Variants in DCDC1 observed in about 807,000 individuals in gnomAD.
The protein encoded by DCDC1 is doublecortin domain-containing protein 1.
Under a neutral mutation model 178.3 loss-of-function variants are expected in DCDC1, and 200 were observed. That is an observed-to-expected ratio of 1.12 (90% CI 1.00 to 1.26). The LOEUF is 1.26. Among genes scored for constraint, DCDC1 ranks in the 50% most tolerant of loss-of-function variants. The pLI is 0.00. For missense variants in DCDC1, 1,983 were observed against 1,749.2 expected (o/e 1.13, Z -2.38); for synonymous variants, 690 against 604.8 (o/e 1.14, Z -2.07).
intron 21 of DCDC1, 47 bp downstream of exon 21, chr11:30,952,398 C>T (rs1427472722): frequency 2.0e-6 from 3 of 1,478,604 alleles, no homozygotes; most frequent in Non-Finnish European, 2.7e-6. Flanking sequence ...CACAACTGGG[C>T]CTTAAAGTAA....
At chr11:31,272,153 C>T (rs374793253) in intron 7 of DCDC1, among the ~76,000 whole-genome samples, 152 of 113,436 alleles carry the variant, frequency 1.3e-3, no homozygotes, top group Non-Finnish European at 2.3e-3. Flanking sequence ...CAGGGTGAGA[C>T]TCCATCTAAA....
chr11:31,220,019 A>T (rs988642352), intron 9 of DCDC1, among the ~76,000 whole-genome samples: 1 of 152,110 alleles, frequency 6.6e-6, no homozygotes. Flanking sequence ...TGGCCAGAAA[A>T]TTTTTTAAAA....
chr11:31,064,076 T>G (rs1956117698), intron 20 of DCDC1, among the ~76,000 whole-genome samples: 1 of 152,146 alleles, frequency 6.6e-6, no homozygotes, highest in Admixed American at 6.5e-5. Context: ...CACTTAACCT[T>G]GAGTCCAAAT....
chr11:31,209,773 G>T (rs1972280557), intron 9 of DCDC1, among the ~76,000 whole-genome samples: 1 of 152,164 alleles, frequency 6.6e-6, no homozygotes, highest in South Asian at 2.1e-4. Flanking sequence ...AGGAATGCTG[G>T]AAAGGTATGT....
intron 38 of DCDC1, among the ~76,000 whole-genome samples, chr11:30,866,449 A>G (rs908251721): frequency 1.3e-5 from 2 of 152,094 alleles, no homozygotes; most frequent in African/African-American, 4.8e-5. Context: ...TTATTTTATA[A>G]GGGCACTAAT....
At chr11:31,125,140 A>G (rs1404974472) in intron 11 of DCDC1, among the ~76,000 whole-genome samples, 5 of 152,146 alleles carry the variant, frequency 3.3e-5, no homozygotes, top group Admixed American at 2.6e-4. Flanking sequence ...TTCTTTAAAA[A>G]AAGACGTACA....
chr11:31,304,291 T>C (rs1223621121), intron 6 of DCDC1, among the ~76,000 whole-genome samples: 2 of 152,158 alleles, frequency 1.3e-5, no homozygotes, highest in African/African-American at 4.8e-5. Flanking sequence ...TTAATAACAA[T>C]AATCAAGGAT....
rs996650711 is a variant in DCDC1 at position 30,913,419 on chromosome 11, C to CA, written c.3654-2000dup. Reference sequence around the variant, plus strand: ...GACTCTGTCTCAAAAAAAAAACAAACAAAAAAAACTATTTTGTTCAAGTCT... The same window carrying CA: ...GACTCTGTCTCAAAAAAAAAACAAACAAAAAAAAACTATTTTGTTCAAGTCT... On this transcript the variant is annotated intron_variant, in intron 27 of 38. Transcript: ENST00000684477. Among the ~76,000 whole-genome samples, 5 of 151,578 alleles carry CA rather than the reference C, an allele frequency of 3.3e-5. No individual in the cohort carries two copies. In the South Asian group the frequency reaches 6.3e-4, roughly 19 times the overall value.
chr11:31,018,576 T>C (rs1042652595), intron 20 of DCDC1, among the ~76,000 whole-genome samples: 2 of 152,194 alleles, frequency 1.3e-5, no homozygotes, highest in African/African-American at 2.4e-5. Context: ...GGGTACTAAC[T>C]ACAGTAGTAA....
At chr11:31,053,483 G>A (rs1955395465) in intron 20 of DCDC1, among the ~76,000 whole-genome samples, 1 of 152,024 alleles carries the variant, frequency 6.6e-6, no homozygotes, top group African/African-American at 2.4e-5. Flanking sequence ...ATTCTATGAA[G>A]CCAGCATCAC....
intron 15 of DCDC1, among the ~76,000 whole-genome samples, chr11:31,099,790 C>T (rs890590750): frequency 2.0e-5 from 3 of 150,160 alleles, no homozygotes; most frequent in Non-Finnish European, 4.4e-5. Context: ...GCAATCTCGG[C>T]TCACTACAAC....
chr11:31,052,640 T>G (rs997870903), intron 20 of DCDC1, among the ~76,000 whole-genome samples: 1 of 151,630 alleles, frequency 6.6e-6, no homozygotes, highest in Non-Finnish European at 1.5e-5. Context: ...AAAACTGAAA[T>G]TACATCAAAC....
At chr11:31,148,965 C>A (rs1402436068) in intron 9 of DCDC1, among the ~76,000 whole-genome samples, 1 of 152,090 alleles carries the variant, frequency 6.6e-6, no homozygotes, top group East Asian at 1.9e-4. Context: ...CAAAGCTTAG[C>A]TCCCACTTAT....
intron 9 of DCDC1, among the ~76,000 whole-genome samples, chr11:31,172,550 T>C (rs1180859525): frequency 6.6e-6 from 1 of 152,180 alleles, no homozygotes; most frequent in African/African-American, 2.4e-5. Flanking sequence ...TATAACCTTT[T>C]ACTCCTCTAA....
rs111924512 is a variant in DCDC1 at position 31,202,399 on chromosome 11, C to CA, written c.1221+39050dup. 3.6e-3 allele frequency among the ~76,000 whole-genome samples: 473 copies of CA among 130,878 alleles called. 2 individuals carry two copies. The highest frequency in any genetic ancestry group is 6.1e-3 in the African/African-American group (216 of 35,372). 85.9% of individuals were successfully genotyped at this position (130,878 alleles called of 152,430 possible). A position where few individuals can be genotyped will look rare whatever the true frequency, so the allele number is the denominator to read the frequency against. On this transcript the variant is annotated intron_variant, in intron 9 of 38. Coordinates refer to ENST00000684477, the MANE Select transcript of DCDC1 (RefSeq NM_001387274.1). ...GCAACATGGCAAAACCTCATCTCCGCAAAAAAAAAAAGAAAAAAAAAAGTA... is the reference window on the plus strand; with the variant it reads ...GCAACATGGCAAAACCTCATCTCCGCAAAAAAAAAAAAGAAAAAAAAAAGTA...
intron 17 of DCDC1, among the ~76,000 whole-genome samples, chr11:31,089,565 G>T (rs891392010): frequency 6.7e-5 from 10 of 150,326 alleles, no homozygotes; most frequent in African/African-American, 2.4e-4. Context: ...TAAATACTCA[G>T]AAATTGGGCC....
In DCDC1 at chr11:31,106,423, T is replaced by A. The variant is rs555274737; in HGVS notation, c.1751+374A>T. ...CTCCTTTAAAAAGGGACAAAAAAAA[T>A]AGAGGAGTGGAAGCAGGTCAGGGCA... On this transcript the variant is annotated intron_variant, in intron 13 of 38. Coordinates refer to ENST00000684477, the MANE Select transcript of DCDC1 (RefSeq NM_001387274.1). 2.0e-4 allele frequency among the ~76,000 whole-genome samples: 30 copies of A among 152,162 alleles called. No homozygotes were observed. In the East Asian group the frequency reaches 5.6e-3, roughly 28 times the overall value.
intron 20 of DCDC1, among the ~76,000 whole-genome samples, chr11:31,018,428 T>C (rs1952635836): frequency 6.6e-6 from 1 of 152,208 alleles, no homozygotes; most frequent in Admixed American, 6.5e-5. Context: ...TTATCTCAGA[T>C]CCAGTGAACA....
At chr11:31,167,050 T>C (rs1461854713) in intron 9 of DCDC1, among the ~76,000 whole-genome samples, 1 of 152,164 alleles carries the variant, frequency 6.6e-6, no homozygotes, top group Non-Finnish European at 1.5e-5. Flanking sequence ...TGTAATACTG[T>C]AGTCAAATCT....
Sources: gnomAD v4.1 joint callset for allele counts (sites outside exome capture counted in the v4.1 genomes callset) on GRCh38, gnomAD v4.1.1 for gene constraint, MANE v1.5 for transcripts, NCBI Gene and HGNC (gene_info 2026-07-23, HGNC 2026-07-21) for gene names.